Variants in QSOX2 observed in about 807,000 individuals in gnomAD.
The protein encoded by QSOX2 is quiescin sulfhydryl oxidase 2, also known as sulfhydryl oxidase 2.
In QSOX2, 46 loss-of-function variants were observed where a neutral mutation model predicts 61.7. The observed-to-expected ratio is 0.75, with a 90% CI of 0.59 to 0.95. QSOX2 has a LOEUF of 0.95. Among genes scored for constraint, QSOX2 ranks in the 40% least tolerant of loss-of-function variants. The probability of loss-of-function intolerance (pLI) is 0.00; values close to 1 mark genes in which losing one functional copy is unlikely to be tolerated. For synonymous variants in QSOX2, 383 were observed against 388.4 expected (o/e 0.99, Z 0.16); for missense variants, 879 against 918.9 (o/e 0.96, Z 0.56).
chr9:136,234,263 C>T (rs969276391), intron 1 of QSOX2, among the ~76,000 whole-genome samples: 9 of 152,252 alleles, frequency 5.9e-5, no homozygotes, highest in Non-Finnish European at 1.0e-4. Context: ...TTGTGTCAAT[C>T]GACCGTTTGT....
intron 1 of QSOX2, among the ~76,000 whole-genome samples, chr9:136,237,483 G>A (rs866965030): frequency 1.0e-4 from 9 of 89,380 alleles, no homozygotes; most frequent in African/African-American, 2.6e-4. Flanking sequence ...CCTGGAGCCC[G>A]TCCTGTGCCG....
intron 1 of QSOX2, among the ~76,000 whole-genome samples, chr9:136,244,423 A>G (rs1830454650): frequency 6.6e-6 from 1 of 152,244 alleles, no homozygotes; most frequent in African/African-American, 2.4e-5. Flanking sequence ...CTTAGACTTG[A>G]AAAAAAGTTT....
At chr9:136,244,030 C>T (rs566099147) in intron 1 of QSOX2, among the ~76,000 whole-genome samples, 6 of 151,776 alleles carry the variant, frequency 4.0e-5, no homozygotes, top group Admixed American at 6.6e-5. Flanking sequence ...GAATCTGGTA[C>T]GATCTTTAGA....
chr9:136,233,026 G>GA (rs778868387), intron 1 of QSOX2, among the ~76,000 whole-genome samples: 8 of 152,062 alleles, frequency 5.3e-5, no homozygotes, highest in African/African-American at 9.7e-5. Context: ...CCCTATTAGG[G>GA]AAAAAATGCC....
chr9:136,218,956 C>A (rs1004579050), intron 7 of QSOX2, 74 bp downstream of exon 7: 2 of 1,585,618 alleles, frequency 1.3e-6, no homozygotes, highest in Admixed American at 1.7e-5. Flanking sequence ...TCTGAGTAAA[C>A]CCGCCCTGCA....
chr9:136,232,923 AAAAAAAAAAAAAAAAG>A (rs1830344282), intron 1 of QSOX2, among the ~76,000 whole-genome samples: 1 of 147,616 alleles, frequency 6.8e-6, no homozygotes, highest in African/African-American at 2.5e-5. Context: ...GTCTCAAAAA[AAAAAAAAAAAAAAAAG>A]AAAAAAGAAA....
At chr9:136,213,326 C>T (rs903122574) in intron 10 of QSOX2, among the ~76,000 whole-genome samples, 6 of 149,382 alleles carry the variant, frequency 4.0e-5, no homozygotes, top group Non-Finnish European at 7.4e-5. Context: ...TCACTGCAAC[C>T]TCCAGTGCTG....
In QSOX2 at chr9:136,206,930, T is replaced by A. The variant is rs939790949; in HGVS notation, c.*1798A>T. 1 of 152,406 alleles carries A rather than the reference T, an allele frequency of 6.6e-6. No homozygotes were observed. The highest frequency in any genetic ancestry group is 2.4e-5 in the African/African-American group (1 of 41,472). 9.4% of individuals were successfully genotyped at this position (152,406 alleles called of 1,614,324 possible). ...AAAGGCAAATACACTGAAACCCACG[T>A]GTAAACCTGCCTGGTTTTCAAACTG... is the stretch of plus-strand genomic sequence containing the variant. On this transcript the variant is annotated 3_prime_UTR_variant, in exon 12 of 12. Transcript: ENST00000358701.
chr9:136,209,537 C>A lies in QSOX2; in HGVS notation c.1550-262G>T. ...CCTGCAAGTGAGGAGACGCTACACG[C>A]TCGGCCTCCGCCACTTCCCAGACCA... On this transcript the variant is annotated intron_variant, in intron 11 of 11. Transcript: ENST00000358701. This position sits in a 1 kb window ranked among gnomAD's most constrained non-coding sequence, Gnocchi z 5.6. The A allele has an allele frequency of 1.0e-6, 1 of 985,408 alleles. No individual in the cohort carries two copies. 61.0% of individuals were successfully genotyped at this position (985,408 alleles called of 1,614,324 possible).
Position 136,223,356 on chromosome 9 carries a change from C to T in QSOX2, c.675+407G>A, listed in dbSNP as rs1215921101. Among the ~76,000 whole-genome samples, 2 of 152,136 alleles carry T rather than the reference C, an allele frequency of 1.3e-5. No homozygotes were observed. The highest frequency in any genetic ancestry group is 2.4e-5 in the African/African-American group (1 of 41,426). The stretch of plus-strand genomic sequence containing the variant: ...AATCAAAGTATGACGATAGAAACGA[C>T]GTTTTACAGAATCTTGGATTTGGCA... On this transcript the variant is annotated intron_variant, in intron 5 of 11. Coordinates refer to ENST00000358701, the MANE Select transcript of QSOX2 (RefSeq NM_181701.4). The surrounding 1 kb of genome is among the most constrained non-coding windows in gnomAD (Gnocchi z 4.4).
At chr9:136,212,205 A>G (rs1588632260) in intron 10 of QSOX2, among the ~76,000 whole-genome samples, 1 of 152,344 alleles carries the variant, frequency 6.6e-6, no homozygotes, top group East Asian at 1.9e-4. Flanking sequence ...CACCGCAACC[A>G]AGGGGAACCC....
intron 1 of QSOX2, among the ~76,000 whole-genome samples, chr9:136,236,268 G>T (rs537589487): frequency 2.5e-4 from 38 of 152,378 alleles, no homozygotes; most frequent in African/African-American, 8.4e-4. Context: ...TGCTGCCCAA[G>T]GACAGAGGGC....
At chr9:136,234,094 G>A (rs541375532) in intron 1 of QSOX2, among the ~76,000 whole-genome samples, 3 of 151,762 alleles carry the variant, frequency 2.0e-5, no homozygotes, top group Non-Finnish European at 4.4e-5. Flanking sequence ...AGGCCTTCAC[G>A]AGGCTCCACC....
chr9:136,219,574 G>A (rs1831957065), intron 6 of QSOX2, among the ~76,000 whole-genome samples: 1 of 152,168 alleles, frequency 6.6e-6, no homozygotes, highest in Non-Finnish European at 1.5e-5. Flanking sequence ...CGGGGCCTGG[G>A]GTGGACGTCA....
chr9:136,241,668 G>C (rs548376348), intron 1 of QSOX2, among the ~76,000 whole-genome samples: 18 of 152,216 alleles, frequency 1.2e-4, no homozygotes, highest in African/African-American at 4.1e-4. Context: ...GCAACCTCAC[G>C]TGCTATCACC....
chr9:136,212,528 G>GAGAGCAGAGC (rs200870910), intron 10 of QSOX2, among the ~76,000 whole-genome samples: 1 of 152,212 alleles, frequency 6.6e-6, no homozygotes, highest in Non-Finnish European at 1.5e-5. Context: ...CCAGAAAGGT[G>GAGAGCAGAGC]AGAGCAGAGC....
intron 1 of QSOX2, among the ~76,000 whole-genome samples, chr9:136,229,280 A>G (rs1044944190): frequency 2.6e-5 from 4 of 152,314 alleles, no homozygotes; most frequent in East Asian, 1.9e-4. Flanking sequence ...AGAAGGGTTC[A>G]TGCTCTCACC....
intron 10 of QSOX2, 27 bp from the exon 11 acceptor site, chr9:136,211,479 A>ACGGCAGGTG (rs1831844884): frequency 6.2e-7 from 1 of 1,608,018 alleles, no homozygotes; most frequent in Non-Finnish European, 8.5e-7. Flanking sequence ...ACTGCTGACA[A>ACGGCAGGTG]CGGCAGGTGC....
chr9:136,233,080 G>A (rs1432063078), intron 1 of QSOX2, among the ~76,000 whole-genome samples: 2 of 152,142 alleles, frequency 1.3e-5, no homozygotes, highest in Non-Finnish European at 2.9e-5. Flanking sequence ...AGCACCAGTC[G>A]GGAGAGGCTG....
Sources: allele counts gnomAD v4.1 joint callset (sites outside exome capture counted in the v4.1 genomes callset), GRCh38; gene constraint gnomAD v4.1.1; non-coding constraint Gnocchi (gnomAD v3.1); transcripts MANE v1.5; gene names NCBI Gene and HGNC (gene_info 2026-07-23, HGNC 2026-07-21).